SCML4: variants seen among roughly 807,000 people sequenced by gnomAD.
SCML4 encodes Scm polycomb group protein like 4.
In SCML4, 34 loss-of-function variants were observed where a neutral mutation model predicts 41.1. That is an observed-to-expected ratio of 0.83 (90% CI 0.63 to 1.10). The LOEUF is 1.10. SCML4 is among the 50% of genes least tolerant of loss of function. The pLI, the probability that SCML4 is intolerant of heterozygous loss-of-function variation, is 0.00. For synonymous variants in SCML4, 214 were observed against 220.9 expected, an observed-to-expected ratio of 0.97 and a Z score of 0.28; for missense variants, 522 against 534.1, an observed-to-expected ratio of 0.98 and a Z score of 0.22.
At chr6:107,739,418 G>A (rs764777012) in intron 5 of SCML4, among the ~76,000 whole-genome samples, 2 of 151,612 alleles carry the variant, frequency 1.3e-5, no homozygotes, top group Non-Finnish European at 2.9e-5. Context: ...TAGTTCCTTA[G>A]CTGTCATGGC....
chr6:107,772,307 C>A lies in SCML4; in HGVS notation c.21G>T (p.Pro7=). 1 of 1,551,132 alleles carries A rather than the reference C, an allele frequency of 6.4e-7. No homozygotes were observed. Among genetic ancestry groups the A allele is most frequent in the African/African-American group, 1.4e-5 (1 of 73,120 alleles). ...GTGAGGGTCGGCCTCGCTTTCTCCC[C>A]GGGATCCTTTGAGACTGCATTTCTG... MQSQRI[P]GRKRGRPSLH... Residue 7 remains proline, a synonymous_variant, in exon 2 of 8, where the codon CCG becomes CCT. Transcript: ENST00000369020.
chr6:107,751,646 C>CTTTG (rs1425350341), intron 2 of SCML4, among the ~76,000 whole-genome samples: 1 of 103,648 alleles, frequency 9.6e-6, no homozygotes, highest in African/African-American at 3.8e-5. Flanking sequence ...TTCTTTCTTT[C>CTTTG]TTTTTTGAGA....
At chr6:107,803,425 T>G (rs1377042696) in intron 1 of SCML4, among the ~76,000 whole-genome samples, 3 of 134,982 alleles carry the variant, frequency 2.2e-5, no homozygotes, top group South Asian at 2.4e-4. Context: ...GGGAGGGAGG[T>G]GGGGGGGTCA....
upstream of SCML4, among the ~76,000 whole-genome samples, chr6:107,825,180 A>C (rs1700237133): frequency 6.6e-6 from 1 of 152,214 alleles, no homozygotes; most frequent in South Asian, 2.1e-4. Flanking sequence ...AGGGCTCCCC[A>C]TTGCCCATTT....
At chr6:107,830,893 T>G in the SCML4 span, among the ~76,000 whole-genome samples, 1 of 152,184 alleles carries the variant, frequency 6.6e-6, no homozygotes, top group Non-Finnish European at 1.5e-5. Context: ...CTCCAAGCAC[T>G]AGGTTTCTCT....
chr6:107,747,142 C>T (rs569879356), intron 3 of SCML4, among the ~76,000 whole-genome samples: 8 of 152,338 alleles, frequency 5.3e-5, no homozygotes, highest in African/African-American at 1.9e-4. Flanking sequence ...TGGGTCCACT[C>T]TGATCTACTG....
intron 1 of SCML4, among the ~76,000 whole-genome samples, chr6:107,821,829 G>C (rs1583682849): frequency 6.6e-6 from 1 of 152,188 alleles, no homozygotes; most frequent in Admixed American, 6.5e-5. Context: ...GGGCTTTCAA[G>C]CTCCAGCCAC....
intron 1 of SCML4, among the ~76,000 whole-genome samples, chr6:107,781,619 G>A (rs754003006): frequency 2.0e-5 from 3 of 150,474 alleles, no homozygotes; most frequent in Non-Finnish European, 3.0e-5. Context: ...GCTGTAAGCC[G>A]TTATTGTGCC....
intron 1 of SCML4, among the ~76,000 whole-genome samples, chr6:107,778,222 A>T (rs9486690): frequency 1.0e-3 from 16 of 15,376 alleles, no homozygotes; most frequent in African/African-American, 2.1e-3. Context: ...AAAAAAAAAA[A>T]ATATATATAT....
chr6:107,822,608 A>C (rs1785032484), intron 1 of SCML4, among the ~76,000 whole-genome samples: 1 of 151,132 alleles, frequency 6.6e-6, no homozygotes, highest in African/African-American at 2.5e-5. Flanking sequence ...TGGGCTTTGC[A>C]CTTTTGTTAT....
At chr6:107,715,516 T>C (rs571900409) in intron 6 of SCML4, among the ~76,000 whole-genome samples, 3 of 151,816 alleles carry the variant, frequency 2.0e-5, no homozygotes, top group South Asian at 2.1e-4. Context: ...AATTCTACAG[T>C]GTGTCTTGTT....
Position 107,824,243 on chromosome 6 carries a change from C to T in SCML4, c.-177G>A, listed in dbSNP as rs556012083. On this transcript the variant is annotated 5_prime_UTR_variant, in exon 1 of 8. Coordinates refer to ENST00000369020, the MANE Select transcript of SCML4 (RefSeq NM_198081.5). ...AGTATTGCAAAAGCTATCTTCCACC[C>T]GTGTTAGTAGCTCACAGTTAGTCTC... 9.8e-5 allele frequency: 15 copies of T among 152,316 alleles called. No homozygotes were observed. The East Asian group carries it at 1.2e-3, about 12-fold the overall frequency. 9.4% of individuals were successfully genotyped at this position (152,316 alleles called of 1,614,324 possible).
At chr6:107,752,532 G>A (rs1778779078) in intron 2 of SCML4, among the ~76,000 whole-genome samples, 1 of 152,134 alleles carries the variant, frequency 6.6e-6, no homozygotes, top group African/African-American at 2.4e-5. Context: ...AATGAGAAAG[G>A]AGCAAGCAAA....
At chr6:107,728,170 A>G (rs998849450) in intron 5 of SCML4, among the ~76,000 whole-genome samples, 2 of 152,258 alleles carry the variant, frequency 1.3e-5, no homozygotes, top group African/African-American at 4.8e-5. Flanking sequence ...ATATGCCTAC[A>G]TAGTTCTGAT....
chr6:107,784,877 A>C (rs1358212682), intron 1 of SCML4, among the ~76,000 whole-genome samples: 1 of 151,098 alleles, frequency 6.6e-6, no homozygotes, highest in Admixed American at 6.6e-5. Flanking sequence ...TAATCACCCC[A>C]GTGGTTTGGC....
At chr6:107,800,853 G>C (rs1276037607) in intron 1 of SCML4, among the ~76,000 whole-genome samples, 1 of 152,186 alleles carries the variant, frequency 6.6e-6, no homozygotes, top group Non-Finnish European at 1.5e-5. Flanking sequence ...GTGGCAAGTA[G>C]ATCAATAAGC....
rs1583474211 is a variant in SCML4, at chr6:107,746,843, C to T, written c.333G>A (p.Glu111=). 2 of 1,614,098 alleles carry T rather than the reference C, an allele frequency of 1.2e-6. No individual in the cohort carries two copies. The highest frequency in any genetic ancestry group is 1.7e-6 in the Non-Finnish European group (2 of 1,180,000). The change falls in exon 4 of 8, where the codon GAG becomes GAA. Residue 111 remains glutamate, a synonymous_variant. Coordinates refer to ENST00000369020, the MANE Select transcript of SCML4 (RefSeq NM_198081.5). Reference sequence around the variant, plus strand: ...CCGGGAGCTGCTGCACCTTCTTCCTCTCCAGATAGGGCCCCGCATTGGCCT... The same window carrying T: ...CCGGGAGCTGCTGCACCTTCTTCCTTTCCAGATAGGGCCCCGCATTGGCCT... ...NKQANAGPYL[E]RKKVQQLPEH... is the part of the protein sequence containing the mutation.
chr6:107,746,026 A>AAATAAATAAAT (rs1401170976), intron 4 of SCML4: 91 of 148,940 alleles, frequency 6.1e-4, no homozygotes, highest in African/African-American at 2.2e-3. Flanking sequence ...ATAAATAAAT[A>AAATAAATAAAT]AAAGAATGGA....
At chr6:107,810,158 A>C (rs1371128038) in intron 1 of SCML4, among the ~76,000 whole-genome samples, 4 of 152,042 alleles carry the variant, frequency 2.6e-5, no homozygotes, top group African/African-American at 9.7e-5. Context: ...GAAGAAGAGG[A>C]GTCTGTGGCT....
Sources: allele counts gnomAD v4.1 joint callset (sites outside exome capture counted in the v4.1 genomes callset), GRCh38; gene constraint gnomAD v4.1.1; transcripts MANE v1.5; gene names NCBI Gene and HGNC (gene_info 2026-07-23, HGNC 2026-07-21).